TMTC1: variants seen among roughly 807,000 people sequenced by gnomAD.
TMTC1 encodes the protein protein O-mannosyl-transferase TMTC1.
TMTC1 carries 73 observed loss-of-function variants against 104.8 expected under a neutral mutation model. That is an observed-to-expected ratio of 0.70 (90% CI 0.58 to 0.85). TMTC1 has a LOEUF of 0.85. Among genes scored for constraint, TMTC1 ranks in the 40% least tolerant of loss-of-function variants. TMTC1 has a pLI of 0.00. For missense variants in TMTC1, 1,035 were observed against 1,096.1 expected (o/e 0.94, Z 0.79); for synonymous variants, 434 against 428.7 (o/e 1.01, Z -0.15).
intron 5 of TMTC1, among the ~76,000 whole-genome samples, chr12:29,720,957 T>C (rs1565792804): frequency 6.6e-6 from 1 of 152,162 alleles, no homozygotes; most frequent in Non-Finnish European, 1.5e-5. Flanking sequence ...GGTGACCTAC[T>C]GAAGCCAAGA....
At chr12:29,755,670 T>A in intron 4 of TMTC1, 39 bp downstream of exon 4, 1 of 1,586,834 alleles carries the variant, frequency 6.3e-7, no homozygotes, top group Non-Finnish European at 8.6e-7. Context: ...TCTCTGCCCA[T>A]GACATGCCAT....
intron 5 of TMTC1, among the ~76,000 whole-genome samples, chr12:29,715,284 T>G (rs1942045032): frequency 6.6e-6 from 1 of 152,130 alleles, no homozygotes; most frequent in South Asian, 2.1e-4. Context: ...GTTCAAAGAA[T>G]TAGGAGATTT....
At chr12:29,621,840 C>T (rs1211223492) in intron 6 of TMTC1, among the ~76,000 whole-genome samples, 1 of 152,062 alleles carries the variant, frequency 6.6e-6, no homozygotes, top group Non-Finnish European at 1.5e-5. Flanking sequence ...GAAGGCCCTC[C>T]CTGAGTGAGG....
intron 5 of TMTC1, among the ~76,000 whole-genome samples, chr12:29,728,559 C>T (rs1565798217): frequency 6.6e-6 from 1 of 152,122 alleles, no homozygotes; most frequent in Non-Finnish European, 1.5e-5. Context: ...ACGTCTCTAA[C>T]CTAAGTCCTC....
intron 5 of TMTC1, among the ~76,000 whole-genome samples, chr12:29,642,478 T>A (rs1293503019): frequency 3.3e-5 from 5 of 152,148 alleles, no homozygotes; most frequent in African/African-American, 1.2e-4. Context: ...AAGAATATTG[T>A]ATCCAGCAAA....
At chr12:29,686,461 T>C (rs373610580) in intron 5 of TMTC1, among the ~76,000 whole-genome samples, 1 of 152,134 alleles carries the variant, frequency 6.6e-6, no homozygotes, top group East Asian at 1.9e-4. Context: ...ATCTGTATTA[T>C]TTGCTCATTT....
In TMTC1 at chr12:29,751,862, C is replaced by T. The variant is rs1452629578; in HGVS notation, c.742G>A (p.Ala248Thr). 1 of 1,568,190 alleles carries T rather than the reference C, an allele frequency of 6.4e-7. No homozygotes were observed. Among genetic ancestry groups the T allele is most frequent in the East Asian group, 2.4e-5 (1 of 42,552 alleles). ...TGCTGTGGGCTGCGTGGACAGAGGG[C>T]CCCATTGCTCCTGTTGTGCATGGAA... Reference protein sequence around the residue: ...SNKQDKSSNGALCPRSPQQPG... With the variant: ...SNKQDKSSNGTLCPRSPQQPG... Residue 248 changes from alanine (A) to threonine (T), a missense_variant, in exon 5 of 18, where the codon GCC (alanine) becomes ACC (threonine). Physicochemically the swap from Ala to Thr is moderately conservative, Grantham distance 58. Transcript: ENST00000539277.
intron 5 of TMTC1, among the ~76,000 whole-genome samples, chr12:29,724,599 C>T (rs371972806): frequency 1.7e-3 from 255 of 152,184 alleles, no homozygotes; most frequent in African/African-American, 5.9e-3. Flanking sequence ...GGAATTTAGA[C>T]GCCAGCAATA....
intron 2 of TMTC1, among the ~76,000 whole-genome samples, chr12:29,762,901 C>T (rs568921673): frequency 1.8e-4 from 27 of 152,326 alleles, no homozygotes; most frequent in Non-Finnish European, 3.1e-4. Context: ...CTACCACCTC[C>T]TTGAACATTT....
chr12:29,716,994 C>A (rs1317980445), intron 5 of TMTC1, among the ~76,000 whole-genome samples: 2 of 152,074 alleles, frequency 1.3e-5, no homozygotes, highest in Admixed American at 1.3e-4. Context: ...CAGACTCCAG[C>A]CTGGGCAACA....
In TMTC1 at chr12:29,783,434, G is replaced by A; in HGVS notation, c.302+16C>T. 7.7e-7 allele frequency: 1 copy of A among 1,290,954 alleles called. No individual in the cohort carries two copies. The highest frequency in any genetic ancestry group is 9.8e-7 in the Non-Finnish European group (1 of 1,016,236). The allele number at this position is 1,290,954 out of a possible 1,614,324, so 80.0% of individuals were successfully genotyped here. On this transcript the variant is annotated intron_variant, in intron 1 of 17. Transcript: ENST00000539277. This position sits in a 1 kb window ranked among gnomAD's most constrained non-coding sequence, Gnocchi z 4.7. ...TAGAGGAGGCAGCGGCGGCTAGCGC[G>A]AGGTGAGGGACTCACTTGAAGGTGA...
chr12:29,746,761 G>T (rs752252082), intron 5 of TMTC1, among the ~76,000 whole-genome samples: 1 of 152,104 alleles, frequency 6.6e-6, no homozygotes, highest in Non-Finnish European at 1.5e-5. Flanking sequence ...GTACACCTAT[G>T]TGCAAGGTAT....
At position 29,774,509 on chromosome 12, in the gene TMTC1, G is replaced by C. The variant is rs558530338; in HGVS notation, c.303-6434C>G. On this transcript the variant is annotated intron_variant, in intron 1 of 17. Transcript: ENST00000539277. ...ATTATCTGTTTCTGGTGTCTCCAGT[G>C]TTGGGTTCTCCAACACTTTCAGCAT... Among the ~76,000 whole-genome samples, 22 of 152,282 alleles carry C rather than the reference G, an allele frequency of 1.4e-4. No homozygotes were observed. In the South Asian group the frequency reaches 4.3e-3, roughly 30 times the overall value.
chr12:29,561,835 T>G (rs544636832), intron 9 of TMTC1, among the ~76,000 whole-genome samples: 1 of 152,298 alleles, frequency 6.6e-6, no homozygotes, highest in East Asian at 1.9e-4. Flanking sequence ...GTGTGTATAT[T>G]TGTCCGATTT....
intron 5 of TMTC1, among the ~76,000 whole-genome samples, chr12:29,682,234 T>C (rs1021046911): frequency 1.3e-5 from 2 of 151,992 alleles, no homozygotes; most frequent in Non-Finnish European, 2.9e-5. Flanking sequence ...ACAGCTAAAA[T>C]GAAAAATAGA....
chr12:29,733,579 C>G (rs1025760420), intron 5 of TMTC1, among the ~76,000 whole-genome samples: 1 of 152,180 alleles, frequency 6.6e-6, no homozygotes, highest in African/African-American at 2.4e-5. Context: ...CAGCTGTTCA[C>G]CACACTCTTA....
chr12:29,702,503 G>A (rs943977429), intron 5 of TMTC1, among the ~76,000 whole-genome samples: 59 of 152,282 alleles, frequency 3.9e-4, no homozygotes, highest in African/African-American at 1.3e-3. Flanking sequence ...CTGTAAAGCT[G>A]TTGGCATCCT....
At chr12:29,752,089 T>C (rs928917941) in intron 4 of TMTC1, among the ~76,000 whole-genome samples, 3 of 151,438 alleles carry the variant, frequency 2.0e-5, no homozygotes, top group Admixed American at 6.6e-5. Context: ...ATTGACCTAG[T>C]ATAGAACACT....
intron 8 of TMTC1, among the ~76,000 whole-genome samples, chr12:29,577,516 C>A (rs190054558): frequency 9.9e-5 from 15 of 152,146 alleles, no homozygotes; most frequent in Admixed American, 4.6e-4. Flanking sequence ...CTATGGTACA[C>A]GGAATCAGAA....
Sources: gnomAD v4.1 joint callset for allele counts (sites outside exome capture counted in the v4.1 genomes callset) on GRCh38, gnomAD v4.1.1 for gene constraint, Gnocchi (gnomAD v3.1) non-coding constraint, MANE v1.5 for transcripts, NCBI Gene and HGNC (gene_info 2026-07-23, HGNC 2026-07-21) for gene names.